SPECC1L: variants seen among roughly 807,000 people sequenced by gnomAD.
SPECC1L encodes cytospin-A.
A neutral mutation model predicts 116.8 loss-of-function variants in SPECC1L; 40 were observed. The observed-to-expected ratio is 0.34, with a 90% CI of 0.27 to 0.45. SPECC1L has a LOEUF of 0.45. Among genes scored for constraint, SPECC1L ranks in the 20% least tolerant of loss-of-function variants. The probability of loss-of-function intolerance (pLI) is 1.00; values close to 1 mark genes in which losing one functional copy is unlikely to be tolerated. For missense variants in SPECC1L, 1,110 were observed against 1,373.6 expected (o/e 0.81, Z 3.03); for synonymous variants, 504 against 500.6 (o/e 1.01, Z -0.09).
chr22:24,317,002 A>ACC (rs2040588169), intron 4 of SPECC1L, among the ~76,000 whole-genome samples: 1 of 110,186 alleles, frequency 9.1e-6, no homozygotes, highest in African/African-American at 3.3e-5. Flanking sequence ...GGCGCCCCTC[A>ACC]CCTCCTGGAC....
chr22:24,275,625 T>C (rs2048822779), intron 1 of SPECC1L, among the ~76,000 whole-genome samples: 2 of 152,078 alleles, frequency 1.3e-5, no homozygotes. Context: ...ATTTCAACTT[T>C]GTCTATTGTG....
intron 11 of SPECC1L, among the ~76,000 whole-genome samples, chr22:24,357,899 T>C (rs6004141): frequency 1.2e-3 from 187 of 152,312 alleles, no homozygotes; most frequent in African/African-American, 4.1e-3. Context: ...TATTTATTCA[T>C]TCACAGAGGG....
chr22:24,324,593 G>A (rs549062319), intron 6 of SPECC1L, among the ~76,000 whole-genome samples, 166 bp downstream of exon 6: 44 of 152,340 alleles, frequency 2.9e-4, no homozygotes, highest in Non-Finnish European at 4.6e-4. Flanking sequence ...GCTCACACCT[G>A]TAATCCCAGC....
At chr22:24,359,002 C>T (rs528261898) in intron 11 of SPECC1L, among the ~76,000 whole-genome samples, 7 of 152,302 alleles carry the variant, frequency 4.6e-5, no homozygotes, top group African/African-American at 1.7e-4. Flanking sequence ...TAACCTTATG[C>T]TCTTGATGGT....
At chr22:24,302,172 G>T (rs1396183485) in intron 2 of SPECC1L, 23 bp from the exon 3 acceptor site, 2 of 1,574,318 alleles carry the variant, frequency 1.3e-6, no homozygotes, top group African/African-American at 1.4e-5. Context: ...TGTTCTCAGT[G>T]TAATGCCATT....
At position 24,321,772 on chromosome 22, in the gene SPECC1L, CAG is replaced by C. The variant is rs777044267; in HGVS notation, c.794_795del (p.Arg265AsnfsTer21). 1 of 1,614,172 alleles carries C rather than the reference CAG, an allele frequency of 6.2e-7. No homozygotes were observed. Among genetic ancestry groups the C allele is most frequent in the Non-Finnish European group, 8.5e-7 (1 of 1,180,034 alleles). On this transcript the variant is annotated frameshift_variant, in exon 5 of 17. Transcript: ENST00000314328. LOFTEE classifies it high-confidence loss of function. ...EELNQLKNEN[R>X]MLKDRLNALG... ...AACTCAACCAGCTGAAAAATGAAAA[CAG>C]AATGTTAAAGGACAGGTTGAATGCA...
intron 11 of SPECC1L, among the ~76,000 whole-genome samples, chr22:24,352,462 T>G (rs12160301): frequency 5.9e-5 from 9 of 152,320 alleles, no homozygotes; most frequent in African/African-American, 1.7e-4. Flanking sequence ...GTAAGGAAAT[T>G]TCATACCATT....
In SPECC1L at chr22:24,317,374, C is replaced by G. The variant is rs562740996; in HGVS notation, c.307+3908C>G. On this transcript the variant is annotated intron_variant, in intron 4 of 16. Transcript: ENST00000314328. ...GCCGGGCAGAGGGGCTCCTCACTTC[C>G]CAGTAGGGGCGGCCGGGCAGAGGCG... 4.8e-3 allele frequency among the ~76,000 whole-genome samples: 585 copies of G among 121,418 alleles called. 7 individuals are homozygous for G. Among genetic ancestry groups the G allele is most frequent in the African/African-American group, 0.016 (547 of 33,972 alleles). The allele number at this position is 121,418 out of a possible 152,430, so 79.7% of individuals were successfully genotyped here.
At chr22:24,291,272 C>T (rs17004894) in intron 2 of SPECC1L, among the ~76,000 whole-genome samples, 15 of 152,206 alleles carry the variant, frequency 9.9e-5, no homozygotes, top group East Asian at 5.8e-4. Flanking sequence ...ATGAAATTTT[C>T]GAACTTCTGA....
At chr22:24,343,403 A>G (rs2041220350) in intron 10 of SPECC1L, 1 of 421,514 alleles carries the variant, frequency 2.4e-6, no homozygotes, top group Non-Finnish European at 4.7e-6. Context: ...ATGATCACAG[A>G]CTTCTAGTTA....
rs1455325504 is a variant in SPECC1L at position 24,411,684 on chromosome 22, G to A, written c.3184G>A (p.Glu1062Lys). ...TCTCCCTGCCCACATTCCATATCAA[G>A]AACTGAACAGCCAGGATAAGGTAGG... ...TYLPAHIPYQ[E>K]LNSQDKRRNF... Residue 1062 changes from glutamate to lysine, a missense_variant, in exon 15 of 17, where the codon GAA becomes AAA. Around this residue, in one of 4 missense-constraint regions of SPECC1L, gnomAD observed 76 missense variants for 148.5 expected, o/e 0.51. Transcript: ENST00000314328. The A allele has an allele frequency of 6.2e-7, 1 of 1,613,592 alleles. No individual in the cohort carries two copies. Among genetic ancestry groups the A allele is most frequent in the Non-Finnish European group, 8.5e-7 (1 of 1,179,988 alleles).
chr22:24,310,871 A>G (rs182482217), intron 3 of SPECC1L, among the ~76,000 whole-genome samples: 64 of 152,292 alleles, frequency 4.2e-4, no homozygotes, highest in Middle Eastern at 6.8e-3. Context: ...ATGTAGTCAC[A>G]TCGATCAAGT....
chr22:24,282,200 C>T (rs958507360), intron 2 of SPECC1L, among the ~76,000 whole-genome samples: 3 of 152,212 alleles, frequency 2.0e-5, no homozygotes, highest in Admixed American at 6.5e-5. Flanking sequence ...TTCTCAAGCA[C>T]TGATCTCAAG....
At chr22:24,302,517 A>T in intron 3 of SPECC1L, 133 bp downstream of exon 3, 1 of 1,164,994 alleles carries the variant, frequency 8.6e-7, no homozygotes, top group Non-Finnish European at 1.3e-6. Context: ...CTTTGAAGAG[A>T]GCTTACAGTG....
At chr22:24,376,666 C>T (rs571901379) in intron 14 of SPECC1L, among the ~76,000 whole-genome samples, 24 of 152,204 alleles carry the variant, frequency 1.6e-4, no homozygotes, top group Non-Finnish European at 2.4e-4. Context: ...GGAAAGAAGC[C>T]GAACATAAAA....
At chr22:24,371,486 A>G (rs1474042187) in intron 14 of SPECC1L, among the ~76,000 whole-genome samples, 1 of 152,234 alleles carries the variant, frequency 6.6e-6, no homozygotes, top group Non-Finnish European at 1.5e-5. Context: ...GATGGAAAGC[A>G]TTTAAATTTT....
At position 24,321,983 on chromosome 22, in the gene SPECC1L, G is replaced by A. The variant is rs773583711; in HGVS notation, c.1003G>A (p.Asp335Asn). 2.5e-6 allele frequency: 4 copies of A among 1,614,032 alleles called. No homozygotes were observed. The highest frequency in any genetic ancestry group is 1.1e-5 in the South Asian group (1 of 91,084). ...GAGTCAGGATGAAAATACACTAATGGACCATCAGCACAGTAACTCCATGGA... is the reference window on the plus strand; with the variant it reads ...GAGTCAGGATGAAAATACACTAATGAACCATCAGCACAGTAACTCCATGGA... Reference protein sequence around the residue: ...LLSQDENTLMDHQHSNSMDNL... With the variant: ...LLSQDENTLMNHQHSNSMDNL... Residue 335 changes from aspartate to asparagine, a missense_variant, in exon 5 of 17, where the codon GAC becomes AAC. Physicochemically the swap from Asp to Asn is conservative, Grantham distance 23 (BLOSUM62 1). Around this residue, in one of 4 missense-constraint regions of SPECC1L, gnomAD observed 437 missense variants for 482.6 expected, o/e 0.91. Coordinates refer to ENST00000314328, the MANE Select transcript of SPECC1L (RefSeq NM_015330.6).
chr22:24,290,758 T>C (rs58646763), intron 2 of SPECC1L, among the ~76,000 whole-genome samples: 6,413 of 152,304 alleles, frequency 0.042, 456 homozygotes, highest in African/African-American at 0.15. Flanking sequence ...TCCAAGTCTT[T>C]AAAATGTGTA....
chr22:24,382,507 A>G (rs1176532839), intron 14 of SPECC1L, among the ~76,000 whole-genome samples: 3 of 152,054 alleles, frequency 2.0e-5, no homozygotes, highest in African/African-American at 7.3e-5. Flanking sequence ...GATCGAGACC[A>G]TCCTGGCTAA....
Sources: gnomAD v4.1 joint callset for allele counts (sites outside exome capture counted in the v4.1 genomes callset) on GRCh38, gnomAD v4.1.1 for gene constraint, gnomAD v4.1.1 regional missense constraint, MANE v1.5 for transcripts, NCBI Gene and HGNC (gene_info 2026-07-23, HGNC 2026-07-21) for gene names.